ADRM1: variants seen among roughly 807,000 people sequenced by gnomAD.
ADRM1 encodes the protein proteasomal ubiquitin receptor ADRM1.
ADRM1 carries 2 observed loss-of-function variants against 40.1 expected under a neutral mutation model. That is an observed-to-expected ratio of 0.05 (90% CI 0.02 to 0.16). ADRM1 has a LOEUF of 0.16. Among genes scored for constraint, ADRM1 ranks in the 10% least tolerant of loss-of-function variants. The pLI is 1.00. For missense variants in ADRM1, 467 were observed against 552.5 expected (o/e 0.85, Z 1.55); for synonymous variants, 287 against 240.4 (o/e 1.19, Z -1.79).
chr20:62,307,667 C>T lies in ADRM1; in HGVS notation c.695C>T (p.Ser232Phe), dbSNP rs757944540. ...TSSTRATPAPSAPAAASATSP... is the reference protein window; with the variant it reads ...TSSTRATPAPFAPAAASATSP... ...TCCACCCGTGCCACCCCAGCCCCTT[C>T]TGCTCCAGCAGCTGCCTCAGCAACT... Residue 232 changes from serine to phenylalanine, a missense_variant, in exon 7 of 10, where the codon TCT becomes TTT. Physicochemically the swap from Ser to Phe is radical, Grantham distance 155. Coordinates refer to ENST00000253003, the MANE Select transcript of ADRM1 (RefSeq NM_007002.4). 10 of 1,612,176 alleles carry T rather than the reference C, an allele frequency of 6.2e-6. No homozygotes were observed. The East Asian group carries it at 1.8e-4, about 29-fold the overall frequency.
chr20:62,306,403 G>T, intron 4 of ADRM1, 83 bp downstream of exon 4: 1 of 1,603,778 alleles, frequency 6.2e-7, no homozygotes. Flanking sequence ...CTCAGCACAG[G>T]TTGTTTGGAA....
At chr20:62,303,352 C>G in intron 1 of ADRM1, 2 of 490,302 alleles carry the variant, frequency 4.1e-6, no homozygotes, top group Non-Finnish European at 3.6e-6. Context: ...GCCGGCCCCA[C>G]TAGGCTTGGC....
chr20:62,304,442 T>A lies in ADRM1; in HGVS notation c.214-19T>A. 1 of 1,606,010 alleles carries A rather than the reference T, an allele frequency of 6.2e-7. No individual in the cohort carries two copies. Among genetic ancestry groups the A allele is most frequent in the Non-Finnish European group, 8.5e-7 (1 of 1,173,424 alleles). On this transcript the variant is annotated intron_variant, in intron 2 of 9. Transcript: ENST00000253003. The stretch of plus-strand genomic sequence containing the variant: ...GATGCCATCTGCGCCACTGACTCTC[T>A]CTTCCCCTGGCTTGCCAGGACTTGA...
Position 62,307,371 on chromosome 20 carries a change from G to A in ADRM1, c.542G>A (p.Gly181Asp). The A allele has an allele frequency of 1.3e-6, 2 of 1,599,212 alleles. No homozygotes were observed. Among genetic ancestry groups the A allele is most frequent in the Admixed American group, 1.8e-5 (1 of 55,672 alleles). Residue 181 changes from glycine (G) to aspartate (D), a missense_variant and splice_region_variant, in exon 6 of 10, where the codon GGT becomes GAT. Coordinates refer to ENST00000253003, the MANE Select transcript of ADRM1 (RefSeq NM_007002.4). ...LIGPAGLGGL[G>D]GLGALTGPGL... Reference sequence around the variant, plus strand: ...GCTCGCATTTCCTTGCCCCTCGCAGGTGGGCTGGGGGCCCTGACTGGACCT... The same window carrying A: ...GCTCGCATTTCCTTGCCCCTCGCAGATGGGCTGGGGGCCCTGACTGGACCT...
chr20:62,304,372 G>A (rs558523160), intron 2 of ADRM1, 89 bp from the exon 3 acceptor site: 45 of 1,153,470 alleles, frequency 3.9e-5, no homozygotes, highest in African/African-American at 1.4e-4. Flanking sequence ...CACCCCACCC[G>A]GTTAGACCCA....
chr20:62,305,014 G>A (rs1486925855), intron 3 of ADRM1, among the ~76,000 whole-genome samples: 1 of 152,226 alleles, frequency 6.6e-6, no homozygotes, highest in African/African-American at 2.4e-5. Context: ...GAGGCCAGGG[G>A]TGTCAGTGCC....
intron 9 of ADRM1, 71 bp downstream of exon 9, chr20:62,308,541 A>AGAAGT: frequency 1.9e-6 from 3 of 1,560,710 alleles, no homozygotes; most frequent in Non-Finnish European, 2.6e-6. Flanking sequence ...CTGGATCTGC[A>AGAAGT]GAAGTGGGGC....
chr20:62,306,367 A>G, intron 4 of ADRM1, 47 bp downstream of exon 4: 2 of 1,607,676 alleles, frequency 1.2e-6, no homozygotes, highest in Non-Finnish European at 1.7e-6. Flanking sequence ...CTGGGAGGCC[A>G]GAGTCTACTG....
chr20:62,308,593 C>T (rs1985537341), intron 9 of ADRM1, 62 bp from the exon 10 acceptor site: 12 of 1,593,178 alleles, frequency 7.5e-6, no homozygotes, highest in South Asian at 5.6e-5. Flanking sequence ...TTGATCCCAT[C>T]GCTTTGATCC....
intron 2 of ADRM1, chr20:62,304,214 C>G (rs941201367): frequency 1.9e-6 from 1 of 535,678 alleles, no homozygotes; most frequent in Non-Finnish European, 3.4e-6. Context: ...GTTTCCAGCA[C>G]GTCTCAGAAA....
chr20:62,303,911 C>G, intron 2 of ADRM1, 130 bp downstream of exon 2: 1 of 861,554 alleles, frequency 1.2e-6, no homozygotes, highest in South Asian at 1.6e-5. Flanking sequence ...GACTGCCCTG[C>G]TGATGGGTCG....
chr20:62,306,462 T>C, intron 4 of ADRM1, 142 bp downstream of exon 4: 2 of 1,418,098 alleles, frequency 1.4e-6, no homozygotes, highest in Non-Finnish European at 2.0e-6. Flanking sequence ...GCTCCCTGGG[T>C]CACTCCCCAC....
chr20:62,307,651 G>A lies in ADRM1; in HGVS notation c.679G>A (p.Ala227Thr), dbSNP rs1985280897. The change falls in exon 7 of 10, where the codon GCC becomes ACC. Residue 227 changes from alanine (A) to threonine (T), a missense_variant. By Grantham distance (58) the Ala-to-Thr change is moderately conservative (BLOSUM62 0). Transcript: ENST00000253003. ...TPSSTTSSTR[A>T]TPAPSAPAAA... ...GTCATCCACCACCTCTTCCACCCGT[G>A]CCACCCCAGCCCCTTCTGCTCCAGC... 6.2e-7 allele frequency: 1 copy of A among 1,611,986 alleles called. No individual in the cohort carries two copies. The highest frequency in any genetic ancestry group is 1.1e-5 in the South Asian group (1 of 91,074).
At chr20:62,308,340 C>G (rs934035049) in intron 8 of ADRM1, 28 bp from the exon 9 acceptor site, 1 of 1,574,174 alleles carries the variant, frequency 6.4e-7, no homozygotes, top group South Asian at 1.2e-5. Flanking sequence ...CGGGTTGGAG[C>G]TCAGCCCTCG....
chr20:62,303,637 G>T lies in ADRM1; in HGVS notation c.69G>T (p.Leu23Phe). 1.2e-6 allele frequency: 2 copies of T among 1,611,642 alleles called. No individual in the cohort carries two copies. The highest frequency in any genetic ancestry group is 1.1e-5 in the South Asian group (1 of 91,084). ...CTCGGGGCGCCTCCAACAAGTACTT[G>T]GTGGAGTTTCGGGCGGGAAAGATGT... ...PGSRGASNKYLVEFRAGKMSL... is the reference protein window; with the variant it reads ...PGSRGASNKYFVEFRAGKMSL... Residue 23 changes from leucine to phenylalanine, a missense_variant, in exon 2 of 10, where the codon TTG becomes TTT. Leu to Phe is a conservative substitution (Grantham distance 22). Coordinates refer to ENST00000253003, the MANE Select transcript of ADRM1 (RefSeq NM_007002.4).
rs2146010657 is a variant in ADRM1, at chr20:62,308,084, A to G, written c.920A>G (p.Gln307Arg). 6.2e-7 allele frequency: 1 copy of G among 1,611,666 alleles called. No individual in the cohort carries two copies. The highest frequency in any genetic ancestry group is 1.1e-5 in the South Asian group (1 of 90,914). Residue 307 changes from glutamine to arginine, a missense_variant, in exon 8 of 10, where the codon CAG (glutamine) becomes CGG (arginine). This residue lies in a region of ADRM1 where 418 missense variants were observed against 474.6 expected (regional missense o/e 0.88). Coordinates refer to ENST00000253003, the MANE Select transcript of ADRM1 (RefSeq NM_007002.4). ...CCCATCCTCGCCAACGCGGATGTCC[A>G]GGAGCGCCTGCTTCCCTACTTGCCA... ...MAPILANADV[Q>R]ERLLPYLPSG...
In ADRM1 at chr20:62,306,083, A is replaced by G; in HGVS notation, c.331-114A>G. 3 of 1,422,606 alleles carry G rather than the reference A, an allele frequency of 2.1e-6. No individual in the cohort carries two copies. In the South Asian group the frequency reaches 4.0e-5, roughly 19 times the overall value. The allele number at this position is 1,422,606 out of a possible 1,614,324, so 88.1% of individuals were successfully genotyped here. A position where few individuals can be genotyped will look rare whatever the true frequency, so the allele number is the denominator to read the frequency against. ...TCTCCTCAGCATTGTGTGGCCAGGC[A>G]CACGCGCCTCTGCGTCTCAGGTCCC... is the stretch of plus-strand genomic sequence containing the variant. On this transcript the variant is annotated intron_variant, in intron 3 of 9. Transcript: ENST00000253003.
rs1984581155 is a variant in ADRM1, at chr20:62,304,380, C to G, written c.214-81C>G. The G allele has an allele frequency of 4.0e-6, 5 of 1,263,044 alleles. 1 individual carries two copies. Among genetic ancestry groups the G allele is most frequent in the Non-Finnish European group, 5.7e-6 (5 of 880,822 alleles). 78.2% of individuals were successfully genotyped at this position (1,263,044 alleles called of 1,614,324 possible). ...CCTTGCGCACCCCACCCGGTTAGAC[C>G]CAGGGCTCAGTACGCTCTCCTGAGA... On this transcript the variant is annotated intron_variant, in intron 2 of 9. Transcript: ENST00000253003.
At chr20:62,306,133 T>A in intron 3 of ADRM1, 64 bp from the exon 4 acceptor site, 1 of 1,569,170 alleles carries the variant, frequency 6.4e-7, no homozygotes, top group Non-Finnish European at 8.7e-7. Flanking sequence ...GGTCAGAGGA[T>A]GGCTGTGGTG....
Sources: gnomAD v4.1 joint callset for allele counts (sites outside exome capture counted in the v4.1 genomes callset) on GRCh38, gnomAD v4.1.1 for gene constraint, gnomAD v4.1.1 regional missense constraint, MANE v1.5 for transcripts, NCBI Gene and HGNC (gene_info 2026-07-23, HGNC 2026-07-21) for gene names.